RNF187: variants seen among roughly 807,000 people sequenced by gnomAD.
The protein encoded by RNF187 is ring finger protein 187.
A neutral mutation model predicts 22.2 loss-of-function variants in RNF187; 18 were observed. That is an observed-to-expected ratio of 0.81 (90% confidence interval 0.56 to 1.20). The LOEUF (loss-of-function observed/expected upper bound fraction) is 1.20. RNF187 is among the 50% of genes most tolerant of loss of function. The probability of loss-of-function intolerance (pLI) is 0.00; values close to 1 mark genes in which losing one functional copy is unlikely to be tolerated. For synonymous variants in RNF187, 164 were observed against 140.9 expected (o/e 1.16, Z -1.16); for missense variants, 329 against 317.6 (o/e 1.04, Z -0.27).
At chr1:228,491,529 C>T in intron 2 of RNF187, among the ~76,000 whole-genome samples, 2 of 152,044 alleles carry the variant, frequency 1.3e-5, no homozygotes, top group Admixed American at 1.3e-4. Flanking sequence ...CATCCTCCAC[C>T]TCCTTGGTTC....
At chr1:228,489,100 C>A in intron 2 of RNF187, 48 bp downstream of exon 2, 2 of 1,473,810 alleles carry the variant, frequency 1.4e-6, no homozygotes, top group East Asian at 2.5e-5. Flanking sequence ...ACTGTGGGCT[C>A]AGGGCTCTAG....
Position 228,488,970 on chromosome 1 carries a change from G to A in RNF187, c.401G>A (p.Gly134Glu). Residue 134 changes from glycine to glutamate, a missense_variant, in exon 2 of 4, where the codon GGG becomes GAG. Gly to Glu is a moderately conservative substitution (Grantham distance 98, BLOSUM62 -2). Transcript: ENST00000305943. Reference sequence around the variant, plus strand: ...TTCTTTTCTTTACAGGAGAACAAGGGGTCTGTGGAAATCATGAGAAAGGAC... The same window carrying A: ...TTCTTTTCTTTACAGGAGAACAAGGAGTCTGTGGAAATCATGAGAAAGGAC... 6.4e-7 allele frequency: 1 copy of A among 1,551,178 alleles called. No homozygotes were observed. Among genetic ancestry groups the A allele is most frequent in the Non-Finnish European group, 8.7e-7 (1 of 1,146,922 alleles).
Position 228,494,099 on chromosome 1 carries a change from G to C in RNF187, c.*214G>C. 6 of 1,466,026 alleles carry C rather than the reference G, an allele frequency of 4.1e-6. No individual in the cohort carries two copies. Among genetic ancestry groups the C allele is most frequent in the Non-Finnish European group, 5.4e-6 (6 of 1,110,358 alleles). The allele number at this position is 1,466,026 out of a possible 1,614,324, so 90.8% of individuals were successfully genotyped here. A position where few individuals can be genotyped will look rare whatever the true frequency, so the allele number is the denominator to read the frequency against. ...ACCTCCCGGTAGAGGCTGGACCTGA[G>C]GACCCTTCCCACCTGTGCCCGTCCC... On this transcript the variant is annotated 3_prime_UTR_variant, in exon 4 of 4. Coordinates refer to ENST00000305943, the MANE Select transcript of RNF187 (RefSeq NM_001010858.3).
intron 2 of RNF187, among the ~76,000 whole-genome samples, chr1:228,490,405 G>A: frequency 1.3e-5 from 2 of 152,246 alleles, no homozygotes; most frequent in Non-Finnish European, 2.9e-5. Context: ...CCCAGTGCAA[G>A]TGAGGCTGGA....
In RNF187 at chr1:228,495,575, G is replaced by T; in HGVS notation, c.*1690G>T. On this transcript the variant is annotated 3_prime_UTR_variant, in exon 4 of 4. Transcript: ENST00000305943. ...GTCATCCCTGAGCATCCCTGCCCCT[G>T]CCCTGCACACCTGTGATGCTTGCCC... 3.7e-5 allele frequency: 36 copies of T among 985,388 alleles called. No individual in the cohort carries two copies. The highest frequency in any genetic ancestry group is 4.2e-5 in the Non-Finnish European group (35 of 829,974). The allele number at this position is 985,388 out of a possible 1,614,324, so 61.0% of individuals were successfully genotyped here. A position where few individuals can be genotyped will look rare whatever the true frequency, so the allele number is the denominator to read the frequency against.
Position 228,494,186 on chromosome 1 carries a change from TC to T in RNF187, c.*304del. On this transcript the variant is annotated 3_prime_UTR_variant, in exon 4 of 4. Transcript: ENST00000305943. ...TCCCGGCAGCTCTGGGTCATGCCCT[TC>T]CCTGGTCACCCATCTGCCCCTCACC... 1 of 1,364,878 alleles carries T rather than the reference TC, an allele frequency of 7.3e-7. No individual in the cohort carries two copies. The highest frequency in any genetic ancestry group is 9.5e-7 in the Non-Finnish European group (1 of 1,056,796). The allele number at this position is 1,364,878 out of a possible 1,614,324, so 84.5% of individuals were successfully genotyped here. A position where few individuals can be genotyped will look rare whatever the true frequency, so the allele number is the denominator to read the frequency against.
intron 2 of RNF187, 74 bp from the exon 3 acceptor site, chr1:228,492,979 A>G: frequency 1.4e-6 from 2 of 1,453,740 alleles, no homozygotes; most frequent in Non-Finnish European, 1.8e-6. Context: ...TAACTCCTTC[A>G]AGAGCAAACA....
In RNF187 at chr1:228,493,355, C is replaced by T; in HGVS notation, c.705+81C>T. ...AGCGAGCCATTGGGGGACCATTGCC[C>T]GAAGTCAAGGCTTAAAAGCCCAGCC... On this transcript the variant is annotated intron_variant, in intron 3 of 3. Transcript: ENST00000305943. This position sits in a 1 kb window ranked among gnomAD's most constrained non-coding sequence, Gnocchi z 4.7. The T allele has an allele frequency of 1.3e-4, 189 of 1,484,094 alleles. No individual in the cohort carries two copies. Among genetic ancestry groups the T allele is most frequent in the Non-Finnish European group, 1.5e-4 (166 of 1,112,266 alleles). The allele number at this position is 1,484,094 out of a possible 1,614,324, so 91.9% of individuals were successfully genotyped here.
Position 228,488,839 on chromosome 1 carries a change from G to C in RNF187, c.391-121G>C. 8 of 763,636 alleles carry C rather than the reference G, an allele frequency of 1.0e-5. No homozygotes were observed. The Admixed American group carries it at 2.0e-4, about 19-fold the overall frequency. 47.3% of individuals were successfully genotyped at this position (763,636 alleles called of 1,614,324 possible). A position where few individuals can be genotyped will look rare whatever the true frequency, so the allele number is the denominator to read the frequency against. On this transcript the variant is annotated intron_variant, in intron 1 of 3. Transcript: ENST00000305943. ...TTCCTGCCCTAGACAACCGGGCTTC[G>C]AGGTTATCTCTGGGATGGTCAGACT... is the stretch of plus-strand genomic sequence containing the variant.
chr1:228,493,872 C>A lies in RNF187; in HGVS notation c.706-11C>A. On this transcript the variant is annotated splice_polypyrimidine_tract_variant and intron_variant, in intron 3 of 3. Coordinates refer to ENST00000305943, the MANE Select transcript of RNF187 (RefSeq NM_001010858.3). The surrounding 1 kb of genome is among the most constrained non-coding windows in gnomAD (Gnocchi z 4.7). ...TTGTCTCTCTGTCTTTCCCTCTCCC[C>A]TCCCATGCAGTGATGGCGCCAACCC... 1 of 1,551,742 alleles carries A rather than the reference C, an allele frequency of 6.4e-7. No homozygotes were observed. The highest frequency in any genetic ancestry group is 2.4e-5 in the East Asian group (1 of 40,916).
Position 228,487,581 on chromosome 1 carries a change from C to G in RNF187, c.93C>G (p.Phe31Leu), listed in dbSNP as rs1658863952. Residue 31 changes from phenylalanine (F) to leucine (L), a missense_variant, in exon 1 of 4, where the codon TTC becomes TTG. Physicochemically the swap from Phe to Leu is conservative, Grantham distance 22. Coordinates refer to ENST00000305943, the MANE Select transcript of RNF187 (RefSeq NM_001010858.3). Reference sequence around the variant, plus strand: ...TGCGCGCCGACTGCGGCCACCGCTTCTGTCGGGCGTGCGTGGTGCGCTTCT... The same window carrying G: ...TGCGCGCCGACTGCGGCCACCGCTTGTGTCGGGCGTGCGTGGTGCGCTTCT... The G allele has an allele frequency of 2.4e-6, 3 of 1,267,386 alleles. No individual in the cohort carries two copies. Among genetic ancestry groups the G allele is most frequent in the Non-Finnish European group, 3.0e-6 (3 of 992,700 alleles). The allele number at this position is 1,267,386 out of a possible 1,614,324, so 78.5% of individuals were successfully genotyped here. A position where few individuals can be genotyped will look rare whatever the true frequency, so the allele number is the denominator to read the frequency against.
Position 228,492,733 on chromosome 1 carries a change from T to G in RNF187, c.484-320T>G. ...CCTCCGCCTCCTGGATTCAAGTGAT[T>G]CACCTGCCTCAGCCTCCCGATTAGC... On this transcript the variant is annotated intron_variant, in intron 2 of 3. Coordinates refer to ENST00000305943, the MANE Select transcript of RNF187 (RefSeq NM_001010858.3). 2.2e-4 allele frequency among the ~76,000 whole-genome samples: 32 copies of G among 148,556 alleles called. No homozygotes were observed. In the East Asian group the frequency reaches 6.1e-3, roughly 28 times the overall value.
Position 228,487,413 on chromosome 1 carries a change from T to G in RNF187, c.-76T>G, listed in dbSNP as rs1571797086. The G allele has an allele frequency of 1.9e-6, 2 of 1,071,142 alleles. No individual in the cohort carries two copies. Among genetic ancestry groups the G allele is most frequent in the Non-Finnish European group, 2.3e-6 (2 of 887,632 alleles). 66.4% of individuals were successfully genotyped at this position (1,071,142 alleles called of 1,614,324 possible). A position where few individuals can be genotyped will look rare whatever the true frequency, so the allele number is the denominator to read the frequency against. ...GTCTTCGTCCTGTTGCTGGTCTCCGTCCGGTCGCCGGCCGTCTAGGTCTCC... is the reference window on the plus strand; with the variant it reads ...GTCTTCGTCCTGTTGCTGGTCTCCGGCCGGTCGCCGGCCGTCTAGGTCTCC... On this transcript the variant is annotated 5_prime_UTR_variant, in exon 1 of 4. Coordinates refer to ENST00000305943, the MANE Select transcript of RNF187 (RefSeq NM_001010858.3).
At chr1:228,492,269 C>T in intron 2 of RNF187, among the ~76,000 whole-genome samples, 1 of 151,934 alleles carries the variant, frequency 6.6e-6, no homozygotes, top group African/African-American at 2.4e-5. Context: ...AGGCTAGTCT[C>T]GAACTCCTGG....
In RNF187 at chr1:228,495,707, C is replaced by T; in HGVS notation, c.*1822C>T. ...CTAACCTAGCTGACCAGCAACATCC[C>T]ACCCTGTCAATCACAACCTCTTTCT... is the stretch of plus-strand genomic sequence containing the variant. On this transcript the variant is annotated 3_prime_UTR_variant, in exon 4 of 4. Transcript: ENST00000305943. 1 of 985,622 alleles carries T rather than the reference C, an allele frequency of 1.0e-6. No homozygotes were observed. The highest frequency in any genetic ancestry group is 1.1e-4 in the East Asian group (1 of 8,810). The allele number at this position is 985,622 out of a possible 1,614,324, so 61.1% of individuals were successfully genotyped here.
Position 228,494,569 on chromosome 1 carries a change from T to A in RNF187, c.*684T>A. 3 of 985,678 alleles carry A rather than the reference T, an allele frequency of 3.0e-6. No individual in the cohort carries two copies. Among genetic ancestry groups the A allele is most frequent in the Admixed American group, 6.1e-5 (1 of 16,314 alleles). 61.1% of individuals were successfully genotyped at this position (985,678 alleles called of 1,614,324 possible). ...GCAGAAGGAAGCCTCTTTCTCTGTTTCCCTGGGTGAGGGGGCTGGCAGGTG... is the reference window on the plus strand; with the variant it reads ...GCAGAAGGAAGCCTCTTTCTCTGTTACCCTGGGTGAGGGGGCTGGCAGGTG... On this transcript the variant is annotated 3_prime_UTR_variant, in exon 4 of 4. Coordinates refer to ENST00000305943, the MANE Select transcript of RNF187 (RefSeq NM_001010858.3).
chr1:228,493,325 G>A lies in RNF187; in HGVS notation c.705+51G>A. The A allele has an allele frequency of 7.3e-6, 11 of 1,511,812 alleles. No individual in the cohort carries two copies. The highest frequency in any genetic ancestry group is 9.8e-6 in the Non-Finnish European group (11 of 1,124,578). The allele number at this position is 1,511,812 out of a possible 1,614,324, so 93.6% of individuals were successfully genotyped here. A position where few individuals can be genotyped will look rare whatever the true frequency, so the allele number is the denominator to read the frequency against. ...CACCATCGGGCCAGGGTGGACGCAG[G>A]CAGCAGCGAGCCATTGGGGGACCAT... On this transcript the variant is annotated intron_variant, in intron 3 of 3. Coordinates refer to ENST00000305943, the MANE Select transcript of RNF187 (RefSeq NM_001010858.3). This position sits in a 1 kb window ranked among gnomAD's most constrained non-coding sequence, Gnocchi z 4.7.
chr1:228,490,464 G>A, intron 2 of RNF187, among the ~76,000 whole-genome samples: 1 of 152,228 alleles, frequency 6.6e-6, no homozygotes, highest in Non-Finnish European at 1.5e-5. Flanking sequence ...TACCCCAAGG[G>A]AATTGTTTTG....
In RNF187 at chr1:228,495,154, G is replaced by A; in HGVS notation, c.*1269G>A. On this transcript the variant is annotated 3_prime_UTR_variant, in exon 4 of 4. Transcript: ENST00000305943. The stretch of plus-strand genomic sequence containing the variant: ...CTGGGGGGAGATGGGGCTCCACCCC[G>A]ACGTAGCAGGGCAGGGGTTGGAGGA... 1 of 517,558 alleles carries A rather than the reference G, an allele frequency of 1.9e-6. No homozygotes were observed. The highest frequency in any genetic ancestry group is 2.5e-6 in the Non-Finnish European group (1 of 402,336). The allele number at this position is 517,558 out of a possible 1,614,324, so 32.1% of individuals were successfully genotyped here.
Sources: allele counts gnomAD v4.1 joint callset (sites outside exome capture counted in the v4.1 genomes callset), GRCh38; gene constraint gnomAD v4.1.1; non-coding constraint Gnocchi (gnomAD v3.1); transcripts MANE v1.5; gene names NCBI Gene and HGNC (gene_info 2026-07-23, HGNC 2026-07-21).